Variants in PRKX observed in about 807,000 individuals in gnomAD.
PRKX encodes cAMP-dependent protein kinase catalytic subunit PRKX.
PRKX carries 12 observed loss-of-function variants against 22.0 expected under a neutral mutation model. The ratio of observed to expected loss-of-function variants is 0.54; its 90% CI spans 0.35 to 0.88. The LOEUF (loss-of-function observed/expected upper bound fraction) is 0.88. Ranked by LOEUF, PRKX falls within the 40% of genes least tolerant of loss-of-function variation. The pLI is 0.01. For synonymous variants in PRKX, 134 were observed against 137.7 expected (o/e 0.97, Z 0.19); for missense variants, 217 against 308.0 (o/e 0.70, Z 2.21).
Position 3,713,307 on chromosome X carries a change from G to A in PRKX, c.-54C>T. ...GCCAGGCCGGAGCGCTCGGGGAGCCGGGCTTCCCGGGACGCAGCCTCGGAG... is the reference window on the plus strand; with the variant it reads ...GCCAGGCCGGAGCGCTCGGGGAGCCAGGCTTCCCGGGACGCAGCCTCGGAG... On this transcript the variant is annotated 5_prime_UTR_variant, in exon 1 of 9. Transcript: ENST00000262848. 2.1e-6 allele frequency: 2 copies of A among 930,891 alleles called. No individual in the cohort carries two copies. The highest frequency in any genetic ancestry group is 2.7e-6 in the Non-Finnish European group (2 of 744,426). 76.7% of individuals were successfully genotyped at this position (930,891 alleles called of 1,213,427 possible).
At chrX:3,655,499 G>A (rs1927462567) in intron 2 of PRKX, 87 bp from the exon 3 acceptor site, 1 of 1,034,566 alleles carries the variant, frequency 9.7e-7, no homozygotes, top group African/African-American at 1.8e-5. Flanking sequence ...TACAGATGCA[G>A]CTAGATACCA....
At chrX:3,625,611 G>A (rs1432624147) in intron 5 of PRKX, among the ~76,000 whole-genome samples, 3 of 110,470 alleles carry the variant, frequency 2.7e-5, no homozygotes, top group African/African-American at 9.9e-5. Flanking sequence ...TTGCTCTGTC[G>A]CCCAGGCTGG....
At chrX:3,694,333 A>G (rs1273624509) in intron 1 of PRKX, among the ~76,000 whole-genome samples, 1 of 110,908 alleles carries the variant, frequency 9.0e-6, no homozygotes, top group East Asian at 2.8e-4. Flanking sequence ...GGTTACAGTG[A>G]GCCGAGATGA....
At chrX:3,631,221 A>G (rs767334104) in intron 4 of PRKX, among the ~76,000 whole-genome samples, 2 of 112,502 alleles carry the variant, frequency 1.8e-5, no homozygotes, top group Non-Finnish European at 3.8e-5. Context: ...AGATACATCC[A>G]TGATCTTACC....
intron 1 of PRKX, among the ~76,000 whole-genome samples, chrX:3,711,673 C>T (rs1292037465): frequency 9.0e-6 from 1 of 111,381 alleles, no homozygotes; most frequent in East Asian, 2.8e-4. Context: ...ACCCTTCTTC[C>T]GCGCAAAACA....
rs1350224780 is a variant in PRKX, at chrX:3,629,417, T to G, written c.720-2903A>C. Reference sequence around the variant, plus strand: ...TGCACCACCACGCCAGGGTTTTGTTTTTTTTTTTTTTTTAATTTTTGGTAG... The same window carrying G: ...TGCACCACCACGCCAGGGTTTTGTTGTTTTTTTTTTTTTAATTTTTGGTAG... On this transcript the variant is annotated intron_variant, in intron 4 of 8. Coordinates refer to ENST00000262848, the MANE Select transcript of PRKX (RefSeq NM_005044.5). 3.7e-5 allele frequency among the ~76,000 whole-genome samples: 4 copies of G among 107,826 alleles called. No individual in the cohort carries two copies. In the East Asian group the frequency reaches 1.2e-3, roughly 32 times the overall value. The allele number at this position is 107,826 out of a possible 115,157, so 93.6% of individuals were successfully genotyped here. A position where few individuals can be genotyped will look rare whatever the true frequency, so the allele number is the denominator to read the frequency against.
At chrX:3,665,980 T>C (rs1249527080) in intron 2 of PRKX, among the ~76,000 whole-genome samples, 7 of 104,294 alleles carry the variant, frequency 6.7e-5, no homozygotes, top group Non-Finnish European at 9.8e-5. Flanking sequence ...ATGTGCTCCA[T>C]GCCACTAAAC....
chrX:3,646,791 G>A (rs1270729642), intron 3 of PRKX, among the ~76,000 whole-genome samples: 1 of 110,678 alleles, frequency 9.0e-6, no homozygotes, highest in African/African-American at 3.3e-5. Flanking sequence ...GAGAAGGTGT[G>A]TGTTTGCGAG....
rs1429787092 is a variant in PRKX, at chrX:3,650,174, T to C, written c.599+4975A>G. 7.3e-5 allele frequency among the ~76,000 whole-genome samples: 8 copies of C among 109,791 alleles called. No individual in the cohort carries two copies. In the East Asian group the frequency reaches 2.1e-3, roughly 28 times the overall value. ...AACAAAAAACAAAGAAAGAAATTCA[T>C]GTAGTGAGTAGATTACATTACAACA... On this transcript the variant is annotated intron_variant, in intron 3 of 8. Transcript: ENST00000262848.
At chrX:3,646,899 T>C (rs1287381527) in intron 3 of PRKX, among the ~76,000 whole-genome samples, 1 of 110,641 alleles carries the variant, frequency 9.0e-6, no homozygotes, top group Non-Finnish European at 1.9e-5. Flanking sequence ...GAAGGGTGCC[T>C]GTCACCAACC....
chrX:3,654,482 T>A (rs1927436400), intron 3 of PRKX, among the ~76,000 whole-genome samples: 1 of 100,097 alleles, frequency 1.0e-5, no homozygotes, highest in Non-Finnish European at 2.0e-5. Flanking sequence ...TTTTTTGTTT[T>A]GTTTTTTTTT....
chrX:3,683,794 G>A (rs1017588374), intron 1 of PRKX, among the ~76,000 whole-genome samples: 10 of 112,003 alleles, frequency 8.9e-5, no homozygotes, highest in Admixed American at 1.9e-4. Flanking sequence ...AGCTAAGATC[G>A]CATCACTGCA....
chrX:3,646,708 T>C (rs78398865), intron 3 of PRKX, among the ~76,000 whole-genome samples: 41 of 110,698 alleles, frequency 3.7e-4, no homozygotes, highest in African/African-American at 1.3e-3. Flanking sequence ...TCTTTTTTTT[T>C]ATGGGGACAC....
chrX:3,652,069 T>C (rs1378566356), intron 3 of PRKX, among the ~76,000 whole-genome samples: 1 of 110,557 alleles, frequency 9.0e-6, no homozygotes, highest in Non-Finnish European at 1.9e-5. Context: ...ATAAGAACCA[T>C]ACAACGGACT....
intron 1 of PRKX, among the ~76,000 whole-genome samples, chrX:3,687,859 G>A (rs1408920912): frequency 1.8e-5 from 2 of 111,815 alleles, no homozygotes; most frequent in Non-Finnish European, 3.8e-5. Context: ...AGACACCAAG[G>A]ACAGCATCGT....
chrX:3,676,436 C>G (rs1228681601), intron 1 of PRKX, among the ~76,000 whole-genome samples: 4 of 111,766 alleles, frequency 3.6e-5, no homozygotes, highest in Middle Eastern at 4.6e-3. Context: ...CACCTGCACT[C>G]CCATGTTTAT....
rs1431849391 is a variant in PRKX at position 3,612,171 on chromosome X, A to C, written c.*23+6T>G. 14 of 1,195,183 alleles carry C rather than the reference A, an allele frequency of 1.2e-5. No individual in the cohort carries two copies. Among genetic ancestry groups the C allele is most frequent in the East Asian group, 3.0e-5 (1 of 33,458 alleles). On this transcript the variant is annotated splice_donor_region_variant and intron_variant, in intron 8 of 8. Transcript: ENST00000262848. ...TTTTTGGGAATTACTAAATATAAAG[A>C]TATACCTTCCAGATGTGAGCTCCTG...
At chrX:3,622,621 A>G (rs1926580939) in intron 5 of PRKX, among the ~76,000 whole-genome samples, 1 of 111,250 alleles carries the variant, frequency 9.0e-6, no homozygotes, top group African/African-American at 3.3e-5. Flanking sequence ...TGCTTTCTGA[A>G]TTAGGATGGG....
At chrX:3,686,939 G>A (rs1168458258) in intron 1 of PRKX, among the ~76,000 whole-genome samples, 6 of 111,960 alleles carry the variant, frequency 5.4e-5, no homozygotes, top group Admixed American at 9.5e-5. Flanking sequence ...ACAGATTAAC[G>A]GTGTTAAATA....
Sources: gnomAD v4.1 joint callset for allele counts (sites outside exome capture counted in the v4.1 genomes callset) on GRCh38, gnomAD v4.1.1 for gene constraint, MANE v1.5 for transcripts, NCBI Gene and HGNC (gene_info 2026-07-23, HGNC 2026-07-21) for gene names.